CCSER1: variants seen among roughly 807,000 people sequenced by gnomAD.
The protein encoded by CCSER1 is serine-rich coiled-coil domain-containing protein 1.
A neutral mutation model predicts 82.0 loss-of-function variants in CCSER1; 41 were observed. The observed-to-expected ratio is 0.50, with a 90% CI of 0.39 to 0.65. CCSER1 has a LOEUF of 0.65. Ranked by LOEUF, CCSER1 falls within the 30% of genes least tolerant of loss-of-function variation. The pLI, the probability that CCSER1 is intolerant of heterozygous loss-of-function variation, is 0.00. For missense variants in CCSER1, 1,119 were observed against 1,064.2 expected, an observed-to-expected ratio of 1.05 and a Z score of -0.72; for synonymous variants, 414 against 383.9, an observed-to-expected ratio of 1.08 and a Z score of -0.92.
chr4:91,529,949 C>T (rs1166032512), intron 10 of CCSER1, among the ~76,000 whole-genome samples: 1 of 152,012 alleles, frequency 6.6e-6, no homozygotes, highest in Non-Finnish European at 1.5e-5. Flanking sequence ...TTTCATATCC[C>T]AGGAGTATTT....
chr4:90,662,412 A>T (rs1196452847), intron 6 of CCSER1, among the ~76,000 whole-genome samples: 1 of 152,130 alleles, frequency 6.6e-6, no homozygotes, highest in African/African-American at 2.4e-5. Context: ...ACTATATTAT[A>T]TGGAATAAGT....
intron 9 of CCSER1, among the ~76,000 whole-genome samples, chr4:91,003,540 C>T (rs1224659091): frequency 3.9e-5 from 6 of 152,122 alleles, no homozygotes; most frequent in Non-Finnish European, 7.3e-5. Flanking sequence ...CCAGCACCCA[C>T]GCAACCCAAA....
intron 10 of CCSER1, among the ~76,000 whole-genome samples, chr4:91,289,704 G>A (rs573887676): frequency 6.6e-5 from 10 of 152,102 alleles, no homozygotes; most frequent in Non-Finnish European, 1.0e-4. Flanking sequence ...TGGGATGGGG[G>A]AAGAACATTA....
chr4:90,967,081 C>G (rs1419449086), intron 9 of CCSER1, among the ~76,000 whole-genome samples: 1 of 151,954 alleles, frequency 6.6e-6, no homozygotes, highest in African/African-American at 2.4e-5. Flanking sequence ...AATTGAGAAT[C>G]CAAAACTAAA....
chr4:90,169,698 T>A (rs17016594), intron 1 of CCSER1, among the ~76,000 whole-genome samples: 47,343 of 151,948 alleles, frequency 0.31, 8,659 homozygotes, highest in East Asian at 0.65. Context: ...AACGGTTTTA[T>A]TGTGGAGCAT....
chr4:91,207,478 G>A (rs1037886394), intron 10 of CCSER1, among the ~76,000 whole-genome samples: 1 of 151,796 alleles, frequency 6.6e-6, no homozygotes, highest in African/African-American at 2.4e-5. Context: ...AGAACACATG[G>A]TATTTGGTTT....
intron 5 of CCSER1, among the ~76,000 whole-genome samples, chr4:90,564,385 T>G (rs1779136262): frequency 6.6e-6 from 1 of 152,182 alleles, no homozygotes; most frequent in Non-Finnish European, 1.5e-5. Flanking sequence ...TTTGTCTTAT[T>G]ATTGAGTTGT....
intron 10 of CCSER1, among the ~76,000 whole-genome samples, chr4:91,389,382 C>A (rs1487147463): frequency 6.6e-6 from 1 of 151,896 alleles, no homozygotes; most frequent in Non-Finnish European, 1.5e-5. Context: ...AATCAGTTGG[C>A]TATATGTATG....
chr4:90,914,384 C>CT (rs1319798243), intron 8 of CCSER1, among the ~76,000 whole-genome samples: 1 of 152,122 alleles, frequency 6.6e-6, no homozygotes, highest in Non-Finnish European at 1.5e-5. Flanking sequence ...CAACCTGCTC[C>CT]TGAATGACTG....
At chr4:90,407,234 C>G (rs1219571804) in intron 4 of CCSER1, among the ~76,000 whole-genome samples, 1 of 152,140 alleles carries the variant, frequency 6.6e-6, no homozygotes, top group Non-Finnish European at 1.5e-5. Context: ...ACCATGAACA[C>G]CTTTACACAC....
In CCSER1 at chr4:90,445,219, G is replaced by T. The variant is rs535907019; in HGVS notation, c.1604-23015G>T. 1.1e-4 allele frequency among the ~76,000 whole-genome samples: 16 copies of T among 152,096 alleles called. 1 individual carries two copies. The South Asian group carries it at 3.1e-3, about 30-fold the overall frequency. Reference sequence around the variant, plus strand: ...TCATGAAATTGGAACTACTCACATTGTTTTCATACCAAGAATCTGGAACTT... The same window carrying T: ...TCATGAAATTGGAACTACTCACATTTTTTTCATACCAAGAATCTGGAACTT... On this transcript the variant is annotated intron_variant, in intron 4 of 10. Coordinates refer to ENST00000509176, the MANE Select transcript of CCSER1 (RefSeq NM_001145065.2).
intron 5 of CCSER1, among the ~76,000 whole-genome samples, chr4:90,556,977 C>T (rs761946304): frequency 3.3e-5 from 5 of 151,620 alleles, no homozygotes; most frequent in Non-Finnish European, 7.4e-5. Flanking sequence ...TACCAACATT[C>T]AATAACAACT....
At chr4:91,311,128 AG>A (rs1745443917) in intron 10 of CCSER1, among the ~76,000 whole-genome samples, 1 of 152,008 alleles carries the variant, frequency 6.6e-6, no homozygotes. Context: ...TTACAGAAGA[AG>A]ATAGGGTTCA....
At chr4:90,303,952 C>G (rs1306086870) in intron 1 of CCSER1, among the ~76,000 whole-genome samples, 1 of 152,118 alleles carries the variant, frequency 6.6e-6, no homozygotes, top group Non-Finnish European at 1.5e-5. Flanking sequence ...AACAAATTTA[C>G]AAGAGAAAAC....
intron 10 of CCSER1, among the ~76,000 whole-genome samples, chr4:91,227,520 A>G (rs1310631427): frequency 6.6e-6 from 1 of 150,400 alleles, no homozygotes; most frequent in Non-Finnish European, 1.5e-5. Flanking sequence ...TGTTTATTTT[A>G]ATTTTTTTTT....
chr4:90,616,266 T>C (rs939046387), intron 5 of CCSER1, among the ~76,000 whole-genome samples: 66 of 152,176 alleles, frequency 4.3e-4, no homozygotes, highest in African/African-American at 1.3e-3. Context: ...CTCTGAGGTA[T>C]GCCTGTATAC....
At chr4:90,945,568 C>T (rs1469353998) in intron 9 of CCSER1, among the ~76,000 whole-genome samples, 1 of 152,048 alleles carries the variant, frequency 6.6e-6, no homozygotes, top group Non-Finnish European at 1.5e-5. Flanking sequence ...CATAAGAAAA[C>T]CCGAATACAA....
At chr4:90,823,827 A>C (rs959598260) in intron 8 of CCSER1, among the ~76,000 whole-genome samples, 1 of 151,996 alleles carries the variant, frequency 6.6e-6, no homozygotes, top group African/African-American at 2.4e-5. Flanking sequence ...TTTAGTAATT[A>C]CCTATACTGT....
chr4:91,184,114 A>C (rs1009567087), intron 10 of CCSER1, among the ~76,000 whole-genome samples: 3 of 152,220 alleles, frequency 2.0e-5, no homozygotes, highest in African/African-American at 4.8e-5. Context: ...GCAAGTGATC[A>C]TAACATTGGA....
Sources: allele counts gnomAD v4.1 joint callset (sites outside exome capture counted in the v4.1 genomes callset), GRCh38; gene constraint gnomAD v4.1.1; transcripts MANE v1.5; gene names NCBI Gene and HGNC (gene_info 2026-07-23, HGNC 2026-07-21).